The following BPIFA3 variants were observed in gnomAD, a reference collection of about 807,000 sequenced individuals.
BPIFA3 encodes BPI fold containing family A member 3, also known as BPI fold-containing family A member 3.
BPIFA3 carries 32 observed loss-of-function variants against 29.7 expected under a neutral mutation model. That is an observed-to-expected ratio of 1.08 (90% confidence interval 0.81 to 1.45). BPIFA3 has a LOEUF of 1.45. Ranked by LOEUF, BPIFA3 falls within the 40% of genes most tolerant of loss-of-function variation. The pLI, the probability that BPIFA3 is intolerant of heterozygous loss-of-function variation, is 0.00. For missense variants in BPIFA3, 323 were observed against 311.3 expected (o/e 1.04, Z -0.28); for synonymous variants, 112 against 113.7 (o/e 0.98, Z 0.10).
At chr20:33,225,062 C>G in intron 3 of BPIFA3, 36 bp from the exon 4 acceptor site, 1 of 1,594,814 alleles carries the variant, frequency 6.3e-7, no homozygotes. Flanking sequence ...CTACCTCCTC[C>G]CCTTGCCCTT....
At chr20:33,220,097 TAAA>T (rs879786771) in intron 1 of BPIFA3, among the ~76,000 whole-genome samples, 3 of 119,414 alleles carry the variant, frequency 2.5e-5, no homozygotes, top group Admixed American at 8.6e-5. Flanking sequence ...CCCTGTCTCT[TAAA>T]AAAAAAAAAA....
At chr20:33,223,612 TTTTC>T in intron 1 of BPIFA3, 195 bp from the exon 2 acceptor site, 1 of 576,112 alleles carries the variant, frequency 1.7e-6, no homozygotes, top group Non-Finnish European at 2.9e-6. Flanking sequence ...CTGCAGGTGT[TTTTC>T]TTTATTTCTC....
intron 1 of BPIFA3, 98 bp downstream of exon 1, chr20:33,217,761 T>G (rs1277705640): frequency 1.3e-5 from 18 of 1,396,576 alleles, no homozygotes; most frequent in Non-Finnish European, 1.6e-5. Context: ...TGACTTCAGG[T>G]TAGTCACTTT....
intron 2 of BPIFA3, 133 bp downstream of exon 2, chr20:33,224,094 G>A: frequency 3.3e-6 from 4 of 1,221,296 alleles, no homozygotes; most frequent in Non-Finnish European, 4.5e-6. Context: ...AGAAGAGAAG[G>A]TGGAAGGCCC....
At chr20:33,227,471 T>A (rs1600633105) in intron 6 of BPIFA3, 67 bp from the exon 7 acceptor site, 2 of 1,339,360 alleles carry the variant, frequency 1.5e-6, no homozygotes, top group East Asian at 4.6e-5. Flanking sequence ...TGGATGAGGG[T>A]TTCCCTTCGG....
chr20:33,221,151 T>A (rs1268906847), intron 1 of BPIFA3, among the ~76,000 whole-genome samples: 2 of 110,672 alleles, frequency 1.8e-5, no homozygotes, highest in Non-Finnish European at 3.1e-5. Flanking sequence ...ACTGTTAGAT[T>A]TTTTTTTTTT....
At chr20:33,218,359 G>T (rs958960688) in intron 1 of BPIFA3, among the ~76,000 whole-genome samples, 2 of 152,156 alleles carry the variant, frequency 1.3e-5, no homozygotes, top group South Asian at 2.1e-4. Flanking sequence ...TGGCTGTGTG[G>T]TCTACACGTG....
chr20:33,220,661 C>T (rs892575545), intron 1 of BPIFA3, among the ~76,000 whole-genome samples: 3 of 152,194 alleles, frequency 2.0e-5, no homozygotes, highest in African/African-American at 7.2e-5. Flanking sequence ...GTTGGAATTG[C>T]AGGTACAGAT....
rs759739463 is a variant in BPIFA3, at chr20:33,225,210, G to A, written c.499G>A (p.Ala167Thr). 2.2e-5 allele frequency: 36 copies of A among 1,614,102 alleles called. 1 individual carries two copies. In the South Asian group the frequency reaches 4.0e-4, roughly 18 times the overall value. Residue 167 changes from alanine to threonine, a missense_variant, in exon 4 of 7, where the codon GCA becomes ACA. By Grantham distance (58) the Ala-to-Thr change is moderately conservative (BLOSUM62 0). Transcript: ENST00000375454. ...GGATCTGGTGATAGGCAAATGCGAT[G>A]CAGAGCCCAGCAGTGTCCATGTGGC... is the stretch of plus-strand genomic sequence containing the variant. ...RRDLVIGKCD[A>T]EPSSVHVAIL... is the part of the protein sequence containing the mutation.
chr20:33,227,341 C>T (rs1376967016), intron 6 of BPIFA3, among the ~76,000 whole-genome samples, 197 bp from the exon 7 acceptor site: 1 of 152,168 alleles, frequency 6.6e-6, no homozygotes, highest in Non-Finnish European at 1.5e-5. Flanking sequence ...AGTTATAGTC[C>T]CTGCCCATAT....
At chr20:33,226,356 T>C in intron 4 of BPIFA3, 50 bp from the exon 5 acceptor site, 1 of 1,361,368 alleles carries the variant, frequency 7.3e-7, no homozygotes, top group Non-Finnish European at 1.0e-6. Context: ...CTGGCTTTAA[T>C]ATTGCCTGGA....
chr20:33,218,749 G>C (rs186013336), intron 1 of BPIFA3, among the ~76,000 whole-genome samples: 1 of 151,498 alleles, frequency 6.6e-6, no homozygotes, highest in Non-Finnish European at 1.5e-5. Flanking sequence ...AAAGACAGTC[G>C]CACTGGGGGA....
chr20:33,225,508 T>A (rs1330141175), intron 4 of BPIFA3: 2 of 480,420 alleles, frequency 4.2e-6, no homozygotes, highest in Non-Finnish European at 7.5e-6. Flanking sequence ...TTCTCTCTTT[T>A]ATCTCCATCT....
At chr20:33,227,114 C>A (rs1159264489) in intron 6 of BPIFA3, 121 bp downstream of exon 6, 2 of 819,440 alleles carry the variant, frequency 2.4e-6, no homozygotes, top group Non-Finnish European at 4.2e-6. Flanking sequence ...GCCGTGAGAA[C>A]ACTTTAGAGG....
At chr20:33,222,213 T>C (rs1410422240) in intron 1 of BPIFA3, among the ~76,000 whole-genome samples, 1 of 152,270 alleles carries the variant, frequency 6.6e-6, no homozygotes, top group Non-Finnish European at 1.5e-5. Flanking sequence ...CTAGATTTTG[T>C]CTATTTCTCA....
chr20:33,221,457 A>C (rs1600626908), intron 1 of BPIFA3, among the ~76,000 whole-genome samples: 1 of 152,340 alleles, frequency 6.6e-6, no homozygotes, highest in East Asian at 1.9e-4. Flanking sequence ...GCGCCTGGCC[A>C]AGATTTCATT....
intron 1 of BPIFA3, among the ~76,000 whole-genome samples, chr20:33,219,138 C>T (rs755629556): frequency 3.9e-5 from 6 of 152,148 alleles, no homozygotes; most frequent in Non-Finnish European, 7.4e-5. Flanking sequence ...CCCCTGACCT[C>T]AAGTGATCTA....
intron 1 of BPIFA3, among the ~76,000 whole-genome samples, chr20:33,218,236 C>T (rs1292853699): frequency 2.6e-5 from 4 of 152,134 alleles, no homozygotes; most frequent in Admixed American, 2.6e-4. Context: ...TGCAAGTGTC[C>T]CTGTTACAGC....
rs151264076 is a variant in BPIFA3, at chr20:33,224,412, G to A, written c.336G>A (p.Lys112=). The A allele has an allele frequency of 1.3e-4, 210 of 1,614,076 alleles. No homozygotes were observed. Among genetic ancestry groups the A allele is most frequent in the Non-Finnish European group, 1.7e-4 (196 of 1,180,018 alleles). Residue 112 remains lysine (K), a synonymous_variant, in exon 3 of 7, where the codon AAG becomes AAA. Coordinates refer to ENST00000375454, the MANE Select transcript of BPIFA3 (RefSeq NM_178466.5). ...GTGGGATCCAGATATCATTCCATAA[G>A]GAGTGGTTCTCGGCAAATATCTCAC... ...DCGGIQISFH[K]EWFSANISLE...
Sources: allele counts gnomAD v4.1 joint callset (sites outside exome capture counted in the v4.1 genomes callset), GRCh38; gene constraint gnomAD v4.1.1; transcripts MANE v1.5; gene names NCBI Gene and HGNC (gene_info 2026-07-23, HGNC 2026-07-21).